The following SH3PXD2A variants were observed in gnomAD, a reference collection of about 807,000 sequenced individuals.
The protein encoded by SH3PXD2A is SH3 and PX domains 2A, also known as SH3 and PX domain-containing protein 2A.
Under a neutral mutation model 115.2 loss-of-function variants are expected in SH3PXD2A, and 32 were observed. That is an observed-to-expected ratio of 0.28 (90% confidence interval 0.21 to 0.37). SH3PXD2A has a LOEUF of 0.37. SH3PXD2A is among the 10% of genes least tolerant of loss of function. SH3PXD2A has a pLI of 1.00. For missense variants in SH3PXD2A, 1,328 were observed against 1,498.7 expected, an observed-to-expected ratio of 0.89 and a Z score of 1.88; for synonymous variants, 610 against 629.1, an observed-to-expected ratio of 0.97 and a Z score of 0.45.
intron 8 of SH3PXD2A, among the ~76,000 whole-genome samples, chr10:103,639,436 CCT>C (rs984470272): frequency 5.3e-5 from 8 of 151,752 alleles, no homozygotes; most frequent in Non-Finnish European, 1.5e-5. Context: ...ATGGTGAAAC[CCT>C]GTCTCTATTA....
At chr10:103,658,576 T>C (rs1361425747) in intron 8 of SH3PXD2A, among the ~76,000 whole-genome samples, 1 of 152,138 alleles carries the variant, frequency 6.6e-6, no homozygotes, top group Non-Finnish European at 1.5e-5. Flanking sequence ...ACTTCATTTC[T>C]CTGGTTAGGC....
intron 5 of SH3PXD2A, among the ~76,000 whole-genome samples, chr10:103,708,633 C>T (rs2134154008): frequency 6.6e-6 from 1 of 152,286 alleles, no homozygotes; most frequent in African/African-American, 2.4e-5. Flanking sequence ...CCTTGTCTTC[C>T]CTGCCCTGTG....
Position 103,855,209 on chromosome 10 carries a change from G to T in SH3PXD2A, c.58C>A (p.Pro20Thr). Reference sequence around the variant, plus strand: ...GCTGTACTCACGTAGTGCTTGGAGGGGTTCCTCCGCTTCTCCACGTCCACC... The same window carrying T: ...GCTGTACTCACGTAGTGCTTGGAGGTGTTCCTCCGCTTCTCCACGTCCACC... ...TVVDVEKRRNPSKHYVYIINV... is the reference protein window; with the variant it reads ...TVVDVEKRRNTSKHYVYIINV... Residue 20 changes from proline to threonine, a missense_variant, in exon 1 of 15, where the codon CCC (proline) becomes ACC (threonine). Pro to Thr is a conservative substitution (Grantham distance 38). Around this residue, in one of 5 missense-constraint regions of SH3PXD2A, gnomAD observed 110 missense variants for 160.0 expected, o/e 0.69. Transcript: ENST00000369774. 6.5e-7 allele frequency: 1 copy of T among 1,538,514 alleles called. No homozygotes were observed. Among genetic ancestry groups the T allele is most frequent in the Non-Finnish European group, 8.8e-7 (1 of 1,140,778 alleles).
At chr10:103,629,219 GTA>G (rs2133961617) in intron 8 of SH3PXD2A, among the ~76,000 whole-genome samples, 1 of 152,308 alleles carries the variant, frequency 6.6e-6, no homozygotes, top group East Asian at 1.9e-4. Context: ...AAAAAGGTAG[GTA>G]CCTCTTAGGA....
intron 1 of SH3PXD2A, among the ~76,000 whole-genome samples, chr10:103,802,927 G>A (rs1212031346): frequency 1.3e-5 from 2 of 152,236 alleles, no homozygotes; most frequent in African/African-American, 2.4e-5. Context: ...TAGCCAGTGA[G>A]GCCAGGGATC....
At chr10:103,803,915 A>G (rs973462823) in intron 1 of SH3PXD2A, among the ~76,000 whole-genome samples, 5 of 152,208 alleles carry the variant, frequency 3.3e-5, no homozygotes, top group African/African-American at 4.8e-5. Context: ...CATTGGTTCC[A>G]TCTGGAAGGG....
In SH3PXD2A at chr10:103,602,140, G is replaced by C. The variant is rs139093195; in HGVS notation, c.3078C>G (p.Ala1026=). The C allele has an allele frequency of 6.3e-7, 1 of 1,578,200 alleles. No individual in the cohort carries two copies. The highest frequency in any genetic ancestry group is 1.2e-5 in the South Asian group (1 of 85,018). Residue 1026 remains alanine (A), a synonymous_variant, in exon 15 of 15, where the codon GCC becomes GCG. Coordinates refer to ENST00000369774, the MANE Select transcript of SH3PXD2A (RefSeq NM_001394015.1). ...SSFSTARSAA[A]EAKGRLAERA... ...GTTCGGCCAGGCGGCCCTTGGCCTC[G>C]GCGGCAGCGGAGCGAGCAGTGCTAA...
rs566910921 is a variant in SH3PXD2A, at chr10:103,607,360, G to T, written c.1309-1443C>A. Among the ~76,000 whole-genome samples, 8 of 152,260 alleles carry T rather than the reference G, an allele frequency of 5.3e-5. No homozygotes were observed. In the East Asian group the frequency reaches 1.6e-3, roughly 30 times the overall value. ...CCGGCAGCTGCCCCGTCTGGGAAGT[G>T]AGGAGCGTCTCCGCCCAGCAGCCAC... On this transcript the variant is annotated intron_variant, in intron 13 of 14. Coordinates refer to ENST00000369774, the MANE Select transcript of SH3PXD2A (RefSeq NM_001394015.1).
intron 8 of SH3PXD2A, among the ~76,000 whole-genome samples, chr10:103,644,369 CAG>C (rs1359375046): frequency 6.6e-6 from 1 of 151,992 alleles, no homozygotes; most frequent in Non-Finnish European, 1.5e-5. Context: ...CGTTTGAGTC[CAG>C]GTGTTCAAGA....
intron 1 of SH3PXD2A, among the ~76,000 whole-genome samples, chr10:103,824,439 G>A (rs1040074629): frequency 3.9e-5 from 6 of 152,154 alleles, no homozygotes; most frequent in Non-Finnish European, 8.8e-5. Context: ...GGGTCAACCC[G>A]GAGGGGAAGC....
rs200507241 is a variant in SH3PXD2A, at chr10:103,690,624, C to CA, written c.427+2403dup. ...ATTATGGAGAGTAATCTGCTTTACT[C>CA]AAAATCCACTGATTTATTTAAATAT... is the stretch of plus-strand genomic sequence containing the variant. On this transcript the variant is annotated intron_variant, in intron 6 of 14. Transcript: ENST00000369774. Among the ~76,000 whole-genome samples the CA allele has an allele frequency of 5.5e-3, 831 of 152,340 alleles. 6 individuals carry two copies. Among genetic ancestry groups the CA allele is most frequent in the African/African-American group, 0.018 (767 of 41,574 alleles).
At chr10:103,740,323 T>C (rs970947602) in intron 3 of SH3PXD2A, among the ~76,000 whole-genome samples, 53 of 152,284 alleles carry the variant, frequency 3.5e-4, no homozygotes, top group African/African-American at 1.1e-3. Context: ...GGGGGAGCCA[T>C]GATCTTTGCA....
At chr10:103,839,232 C>T (rs1023683551) in intron 1 of SH3PXD2A, among the ~76,000 whole-genome samples, 1 of 152,202 alleles carries the variant, frequency 6.6e-6, no homozygotes, top group African/African-American at 2.4e-5. Context: ...AACACCCCTA[C>T]ACCCTGAAGT....
At chr10:103,677,812 G>A (rs956415220) in intron 6 of SH3PXD2A, among the ~76,000 whole-genome samples, 1 of 152,170 alleles carries the variant, frequency 6.6e-6, no homozygotes, top group African/African-American at 2.4e-5. Flanking sequence ...GTGGCTGATG[G>A]AAAGATGAAT....
At chr10:103,788,515 G>A (rs11191808) in intron 2 of SH3PXD2A, among the ~76,000 whole-genome samples, 5,925 of 152,204 alleles carry the variant, frequency 0.039, 401 homozygotes, top group East Asian at 0.29. Context: ...GCTAAATTGA[G>A]GATATAAAGG....
At chr10:103,758,006 C>T (rs1223633163) in intron 3 of SH3PXD2A, among the ~76,000 whole-genome samples, 1 of 152,202 alleles carries the variant, frequency 6.6e-6, no homozygotes, top group Non-Finnish European at 1.5e-5. Context: ...AGTCCTCTCC[C>T]GTTGCACGCC....
chr10:103,735,709 C>G (rs1227087915), intron 4 of SH3PXD2A, 23 bp downstream of exon 4: 1 of 1,569,082 alleles, frequency 6.4e-7, no homozygotes, highest in African/African-American at 1.3e-5. Context: ...GAGCCCCTCC[C>G]CCAGCCCCAG....
rs1485231470 is a variant in SH3PXD2A, at chr10:103,855,239, T to C, written c.28A>G (p.Thr10Ala). 3.3e-6 allele frequency: 5 copies of C among 1,538,394 alleles called. No homozygotes were observed. The Admixed American group carries it at 1.0e-4, about 31-fold the overall frequency. MLAYCVQDA[T>A]VVDVEKRRNP... ...CTCCGCTTCTCCACGTCCACCACGG[T>C]GGCATCCTGCACGCAGTAGGCGAGC... Residue 10 changes from threonine to alanine, a missense_variant, in exon 1 of 15, where the codon ACC (threonine) becomes GCC (alanine). Transcript: ENST00000369774.
Position 103,679,407 on chromosome 10 carries a change from C to T in SH3PXD2A, c.428-10755G>A, listed in dbSNP as rs1827883389. Among the ~76,000 whole-genome samples the T allele has an allele frequency of 2.0e-5, 3 of 152,344 alleles. No homozygotes were observed. In the South Asian group the frequency reaches 6.2e-4, roughly 32 times the overall value. ...CTCATCCCAGAAGGAAGACCTAGTA[C>T]CAGTGTCCATTCAGAAACTTGCTTC... On this transcript the variant is annotated intron_variant, in intron 6 of 14. Coordinates refer to ENST00000369774, the MANE Select transcript of SH3PXD2A (RefSeq NM_001394015.1).
Sources: allele counts gnomAD v4.1 joint callset (sites outside exome capture counted in the v4.1 genomes callset), GRCh38; gene constraint gnomAD v4.1.1; regional missense constraint gnomAD v4.1.1; transcripts MANE v1.5; gene names NCBI Gene and HGNC (gene_info 2026-07-23, HGNC 2026-07-21).